Variants in ASB3 observed in about 807,000 individuals in gnomAD.
The protein encoded by ASB3 is ankyrin repeat and SOCS box protein 3.
A neutral mutation model predicts 54.5 loss-of-function variants in ASB3; 41 were observed. The observed-to-expected ratio is 0.75, with a 90% CI of 0.59 to 0.98. The LOEUF is 0.98. Among genes scored for constraint, ASB3 ranks in the 50% least tolerant of loss-of-function variants. ASB3 has a pLI of 0.00. For missense variants in ASB3, 733 were observed against 620.0 expected (o/e 1.18, Z -1.94); for synonymous variants, 266 against 221.2 (o/e 1.20, Z -1.80).
At chr2:53,728,205 T>C (rs1671115118) in intron 5 of ASB3, among the ~76,000 whole-genome samples, 1 of 152,152 alleles carries the variant, frequency 6.6e-6, no homozygotes, top group Non-Finnish European at 1.5e-5. Flanking sequence ...ACACACCAAC[T>C]TCCCTGGCAA....
At chr2:53,781,146 AC>A (rs1275415828) in intron 1 of ASB3, among the ~76,000 whole-genome samples, 2 of 151,974 alleles carry the variant, frequency 1.3e-5, no homozygotes, top group African/African-American at 2.4e-5. Context: ...AGTGGCTCAC[AC>A]CTGTAATCCC....
In ASB3 at chr2:53,702,079, A is replaced by C. The variant is rs114450298; in HGVS notation, c.981-1551T>G. Reference sequence around the variant, plus strand: ...CATATAATATCTATTAACAATCTACAGAATTAGTATTCTACCAAAACACAC... The same window carrying C: ...CATATAATATCTATTAACAATCTACCGAATTAGTATTCTACCAAAACACAC... On this transcript the variant is annotated intron_variant, in intron 7 of 9. Coordinates refer to ENST00000263634, the MANE Select transcript of ASB3 (RefSeq NM_016115.5). Among the ~76,000 whole-genome samples the C allele has an allele frequency of 1.1e-3, 167 of 152,342 alleles. 2 individuals carry two copies. Among genetic ancestry groups the C allele is most frequent in the African/African-American group, 3.8e-3 (160 of 41,586 alleles).
chr2:53,711,253 C>G (rs1447564685), intron 7 of ASB3, among the ~76,000 whole-genome samples: 1 of 152,178 alleles, frequency 6.6e-6, no homozygotes, highest in Non-Finnish European at 1.5e-5. Context: ...TCTCTCTTCT[C>G]CAAGATTCCC....
At chr2:53,772,211 G>GT (rs1431481181) in intron 1 of ASB3, among the ~76,000 whole-genome samples, 1 of 152,040 alleles carries the variant, frequency 6.6e-6, no homozygotes, top group Non-Finnish European at 1.5e-5. Context: ...GTCTAGCTCT[G>GT]TCGCCCAGGC....
At chr2:53,761,170 G>A (rs763486270) in intron 2 of ASB3, among the ~76,000 whole-genome samples, 11 of 152,086 alleles carry the variant, frequency 7.2e-5, no homozygotes, top group East Asian at 1.9e-4. Flanking sequence ...AAAGGTGACC[G>A]CACCTACCTT....
intron 5 of ASB3, among the ~76,000 whole-genome samples, chr2:53,720,806 T>C (rs973994940): frequency 6.6e-6 from 1 of 152,130 alleles, no homozygotes; most frequent in Admixed American, 6.6e-5. Context: ...ACATATAACA[T>C]ACTCCAAGAC....
intron 7 of ASB3, among the ~76,000 whole-genome samples, chr2:53,705,683 T>A (rs532911400): frequency 7.2e-5 from 11 of 152,220 alleles, no homozygotes; most frequent in Admixed American, 2.6e-4. Context: ...TCTCCTCTCC[T>A]TCTGGATTTT....
intron 1 of ASB3, among the ~76,000 whole-genome samples, chr2:53,769,256 A>T (rs1673718569): frequency 6.6e-6 from 1 of 152,204 alleles, no homozygotes; most frequent in Non-Finnish European, 1.5e-5. Flanking sequence ...CACGCCTCTG[A>T]TCCCAACACT....
rs369375248 is a variant in ASB3 at position 53,770,104 on chromosome 2, A to AAT, written c.-13-4521_-13-4520dup. ...TGGCATTATCTACTTGACCCTCACC[A>AAT]ATATATATATATCCTCATTGTAGCA... is the stretch of plus-strand genomic sequence containing the variant. On this transcript the variant is annotated intron_variant, in intron 1 of 9. Transcript: ENST00000263634. Among the ~76,000 whole-genome samples, 67 of 152,086 alleles carry AAT rather than the reference A, an allele frequency of 4.4e-4. 1 individual carries two copies. The East Asian group carries it at 8.7e-3, about 20-fold the overall frequency.
intron 9 of ASB3, among the ~76,000 whole-genome samples, chr2:53,683,846 T>C (rs1668504029): frequency 6.6e-6 from 1 of 152,174 alleles, no homozygotes. Flanking sequence ...TTGGATCTTT[T>C]TTTCTTAGTC....
At chr2:53,726,252 T>A (rs1220703298) in intron 5 of ASB3, among the ~76,000 whole-genome samples, 1 of 147,702 alleles carries the variant, frequency 6.8e-6, no homozygotes, top group African/African-American at 2.5e-5. Flanking sequence ...ATCTATTTAA[T>A]CTAAATTTTT....
chr2:53,746,498 T>A (rs1672233236), intron 3 of ASB3, among the ~76,000 whole-genome samples: 1 of 151,570 alleles, frequency 6.6e-6, no homozygotes, highest in South Asian at 2.1e-4. Flanking sequence ...TTTTTTTTTT[T>A]TGAGACAGAG....
At chr2:53,757,705 T>C (rs1672913316) in intron 2 of ASB3, among the ~76,000 whole-genome samples, 1 of 152,224 alleles carries the variant, frequency 6.6e-6, no homozygotes, top group African/African-American at 2.4e-5. Context: ...GGGAATCTTG[T>C]CCCTGGTGTC....
chr2:53,715,627 T>A (rs1055557306), intron 6 of ASB3, among the ~76,000 whole-genome samples: 2 of 152,186 alleles, frequency 1.3e-5, no homozygotes, highest in Non-Finnish European at 2.9e-5. Flanking sequence ...TTTTTAAATC[T>A]AAGTATTTTG....
rs771873328 is a variant in ASB3, at chr2:53,700,308, C to G, written c.1201G>C (p.Ala401Pro). The G allele has an allele frequency of 6.2e-7, 1 of 1,613,952 alleles. No individual in the cohort carries two copies. The highest frequency in any genetic ancestry group is 1.1e-5 in the South Asian group (1 of 91,040). Reference sequence around the variant, plus strand: ...AGTAGAATCAGTGGGTCAAATCCAGCAACCAGAAGATGTGGCAACCACTCC... The same window carrying G: ...AGTAGAATCAGTGGGTCAAATCCAGGAACCAGAAGATGTGGCAACCACTCC... The part of the protein sequence containing the change: ...YKEWLPHLLV[A>P]GFDPLILLCN... The change falls in exon 8 of 10, where the codon GCT becomes CCT. Residue 401 changes from alanine (A) to proline (P), a missense_variant. By Grantham distance (27) the Ala-to-Pro change is conservative (BLOSUM62 -1). Coordinates refer to ENST00000263634, the MANE Select transcript of ASB3 (RefSeq NM_016115.5).
intron 5 of ASB3, among the ~76,000 whole-genome samples, chr2:53,723,657 G>A (rs1670834711): frequency 6.6e-6 from 1 of 152,142 alleles, no homozygotes; most frequent in Non-Finnish European, 1.5e-5. Context: ...TAAAGCTGGA[G>A]GTATCACATT....
chr2:53,717,076 C>T (rs60125079), intron 5 of ASB3, among the ~76,000 whole-genome samples: 1 of 152,158 alleles, frequency 6.6e-6, no homozygotes, highest in Admixed American at 6.5e-5. Flanking sequence ...GGTCTTGCCT[C>T]TACGTCAGCA....
At chr2:53,766,365 TGTTA>T (rs1673455034) in intron 1 of ASB3, among the ~76,000 whole-genome samples, 1 of 152,238 alleles carries the variant, frequency 6.6e-6, no homozygotes, top group African/African-American at 2.4e-5. Flanking sequence ...CACAATTTCT[TGTTA>T]GTGACTCTAT....
intron 3 of ASB3, among the ~76,000 whole-genome samples, chr2:53,750,476 T>C (rs903368959): frequency 6.6e-6 from 1 of 152,116 alleles, no homozygotes; most frequent in Non-Finnish European, 1.5e-5. Flanking sequence ...ACCTTGCAAC[T>C]ACTGCTACAA....
Sources: allele counts gnomAD v4.1 joint callset (sites outside exome capture counted in the v4.1 genomes callset), GRCh38; gene constraint gnomAD v4.1.1; transcripts MANE v1.5; gene names NCBI Gene and HGNC (gene_info 2026-07-23, HGNC 2026-07-21).